The following ANKRD30BL variants were observed in gnomAD, a reference collection of about 807,000 sequenced individuals.
ANKRD30BL encodes the protein putative ankyrin repeat domain-containing protein 30B-like.
In ANKRD30BL, 20 loss-of-function variants were observed where a neutral mutation model predicts 18.4. The observed-to-expected ratio is 1.09, with a 90% CI of 0.77 to 1.58. The LOEUF is 1.58. ANKRD30BL is among the 40% of genes most tolerant of loss of function. The pLI is 0.00. For missense variants in ANKRD30BL, 224 were observed against 268.6 expected, an observed-to-expected ratio of 0.83 and a Z score of 1.16; for synonymous variants, 72 against 100.9, an observed-to-expected ratio of 0.71 and a Z score of 1.72.
At chr2:132,232,327 T>G (rs555759667) in intron 1 of ANKRD30BL, among the ~76,000 whole-genome samples, 1 of 152,112 alleles carries the variant, frequency 6.6e-6, no homozygotes, top group Non-Finnish European at 1.5e-5. Context: ...GGAACAAAGC[T>G]GGATGGAGAA....
rs992498401 is a variant in ANKRD30BL, at chr2:132,201,627, A to G, written n.442-44481T>C. ...ACACCAGTTAGAATGGCAATCATTA[A>G]AAAGTCAGGAAACAACAGGTGCTGG... On this transcript the variant is annotated intron_variant and non_coding_transcript_variant, in intron 1 of 4. Coordinates refer to the ANKRD30BL transcript ENST00000470729. Among the ~76,000 whole-genome samples the G allele has an allele frequency of 1.9e-3, 291 of 152,288 alleles. 3 individuals carry two copies. Among genetic ancestry groups the G allele is most frequent in the Non-Finnish European group, 3.2e-3 (219 of 68,020 alleles).
intron 1 of ANKRD30BL, among the ~76,000 whole-genome samples, chr2:132,160,120 T>C (rs1163547303): frequency 6.6e-6 from 1 of 152,176 alleles, no homozygotes; most frequent in Non-Finnish European, 1.5e-5. Context: ...TTATTTATTT[T>C]TGAGACAGAG....
intron 1 of ANKRD30BL, among the ~76,000 whole-genome samples, chr2:132,184,905 C>A (rs911142427): frequency 6.6e-6 from 1 of 151,948 alleles, no homozygotes; most frequent in African/African-American, 2.4e-5. Flanking sequence ...TTCCACCTCC[C>A]CAGATCAAGG....
chr2:132,149,241 C>T (rs12620202), intron 5 of ANKRD30BL, among the ~76,000 whole-genome samples: 13,972 of 148,998 alleles, frequency 0.094, 1,424 homozygotes, highest in African/African-American at 0.25. Context: ...TATTATAATT[C>T]GTTGAGCCTA....
chr2:132,245,822 CT>C (rs1476437899), intron 1 of ANKRD30BL, among the ~76,000 whole-genome samples: 1 of 151,792 alleles, frequency 6.6e-6, no homozygotes, highest in East Asian at 1.9e-4. Context: ...TTCTCAGAAA[CT>C]TCTTTGTGAT....
intron 1 of ANKRD30BL, among the ~76,000 whole-genome samples, chr2:132,246,688 G>A (rs1680508984): frequency 1.3e-5 from 2 of 151,848 alleles, no homozygotes; most frequent in African/African-American, 4.8e-5. Flanking sequence ...TGTGATGCTT[G>A]CATTCAACTC....
chr2:132,217,648 T>C (rs1425059027), intron 1 of ANKRD30BL, among the ~76,000 whole-genome samples: 1 of 152,278 alleles, frequency 6.6e-6, no homozygotes, highest in African/African-American at 2.4e-5. Flanking sequence ...AACTACTTTG[T>C]GATGTGTACA....
intron 1 of ANKRD30BL, among the ~76,000 whole-genome samples, chr2:132,177,698 T>C (rs1219333578): frequency 1.3e-5 from 2 of 152,194 alleles, no homozygotes; most frequent in East Asian, 3.8e-4. Context: ...GATTTCAATA[T>C]AGCATTTTCT....
At chr2:132,217,320 A>G (rs1036148992) in intron 1 of ANKRD30BL, among the ~76,000 whole-genome samples, 49 of 152,054 alleles carry the variant, frequency 3.2e-4, no homozygotes, top group Non-Finnish European at 5.9e-4. Context: ...GTGTGCATTC[A>G]CCTCACAGAA....
At chr2:132,169,598 G>T (rs1256899104) in intron 1 of ANKRD30BL, among the ~76,000 whole-genome samples, 1 of 133,722 alleles carries the variant, frequency 7.5e-6, no homozygotes, top group African/African-American at 2.9e-5. Flanking sequence ...AGTGAGCCAA[G>T]ATCGCACCAC....
rs961317685 is a variant in ANKRD30BL at position 132,148,024 on chromosome 2, T to A, written c.*107A>T. ...CAGAGAAGCTGAACATACTGACATA[T>A]TTGTTCTTTGATGAGGAACTCAGAA... On this transcript the variant is annotated 3_prime_UTR_variant, in exon 6 of 6. Coordinates refer to ENST00000409867, the MANE Select transcript of ANKRD30BL (RefSeq NM_001358416.1). 4.8e-5 allele frequency: 39 copies of A among 805,536 alleles called. No individual in the cohort carries two copies. The highest frequency in any genetic ancestry group is 2.2e-5 in the Admixed American group (1 of 44,728). 49.9% of individuals were successfully genotyped at this position (805,536 alleles called of 1,614,324 possible).
In ANKRD30BL at chr2:132,198,320, CTTTCTTTTT is replaced by C. The variant is rs1558928597; in HGVS notation, n.442-41183_442-41175del. 2.4e-3 allele frequency among the ~76,000 whole-genome samples: 25 copies of C among 10,590 alleles called. 1 individual carries two copies. The highest frequency in any genetic ancestry group is 4.9e-3 in the African/African-American group (24 of 4,946). The allele number at this position is 10,590 out of a possible 152,430, so 6.9% of individuals were successfully genotyped here. ...TCTTTCTTTCTTTCTTTCTTTCTTT[CTTTCTTTTT>C]TTTTTTTTTTTTTAGACAGAGTCTC... On this transcript the variant is annotated intron_variant and non_coding_transcript_variant, in intron 1 of 4. Transcript: ENST00000470729.
In ANKRD30BL at chr2:132,181,007, C is replaced by T. The variant is rs202176726; in HGVS notation, n.442-23861G>A. The stretch of plus-strand genomic sequence containing the variant: ...CTAAACATACAAAAAATTAGCCAGG[C>T]GTGGTGGCGGGCTGTAGTCCCAGCT... On this transcript the variant is annotated intron_variant and non_coding_transcript_variant, in intron 1 of 4. Coordinates refer to the ANKRD30BL transcript ENST00000470729. Among the ~76,000 whole-genome samples the T allele has an allele frequency of 4.8e-3, 722 of 151,872 alleles. 52 individuals carry two copies. The East Asian group carries it at 0.12, about 26-fold the overall frequency.
intron 1 of ANKRD30BL, among the ~76,000 whole-genome samples, chr2:132,208,958 C>A (rs376074530): frequency 6.6e-6 from 1 of 151,896 alleles, no homozygotes; most frequent in East Asian, 1.9e-4. Context: ...GTAGTGTCTG[C>A]AAGTGGATAT....
chr2:132,253,878 C>T (rs72869416), intron 1 of ANKRD30BL, among the ~76,000 whole-genome samples: 7,959 of 152,076 alleles, frequency 0.052, 669 homozygotes, highest in African/African-American at 0.18. Context: ...GCAAGCGGGC[C>T]GGGCCGGGCC....
chr2:132,202,237 C>G (rs1283219482), intron 1 of ANKRD30BL, among the ~76,000 whole-genome samples: 1 of 151,984 alleles, frequency 6.6e-6, no homozygotes, highest in Non-Finnish European at 1.5e-5. Context: ...CACATGTATA[C>G]ATATGTAACT....
intron 1 of ANKRD30BL, among the ~76,000 whole-genome samples, chr2:132,173,106 C>T (rs187966497): frequency 4.6e-4 from 70 of 152,052 alleles, no homozygotes; most frequent in Admixed American, 2.8e-3. Flanking sequence ...GAAATCATTG[C>T]TAAATCTAAC....
At chr2:132,199,210 A>AT (rs1396088294) in intron 1 of ANKRD30BL, among the ~76,000 whole-genome samples, 1 of 152,066 alleles carries the variant, frequency 6.6e-6, no homozygotes, top group Non-Finnish European at 1.5e-5. Context: ...TTTAAAAAAA[A>AT]TTAGCTTGGC....
chr2:132,250,685 T>C (rs28493322), intron 1 of ANKRD30BL, among the ~76,000 whole-genome samples: 1 of 152,212 alleles, frequency 6.6e-6, no homozygotes, highest in East Asian at 1.9e-4. Context: ...GGAGCAGAAA[T>C]GCAATACAAT....
Sources: gnomAD v4.1 joint callset for allele counts (sites outside exome capture counted in the v4.1 genomes callset) on GRCh38, gnomAD v4.1.1 for gene constraint, MANE v1.5 for transcripts, NCBI Gene and HGNC (gene_info 2026-07-23, HGNC 2026-07-21) for gene names.